FBN3: variants seen among roughly 807,000 people sequenced by gnomAD.
The protein encoded by FBN3 is fibrillin-3.
A neutral mutation model predicts 330.1 loss-of-function variants in FBN3; 234 were observed. That is an observed-to-expected ratio of 0.71 (90% CI 0.64 to 0.79). The LOEUF (loss-of-function observed/expected upper bound fraction) is 0.79, where lower values mean the gene tolerates loss of function less well. Ranked by LOEUF, FBN3 falls within the 30% of genes least tolerant of loss-of-function variation. The probability of loss-of-function intolerance (pLI) is 0.00; values close to 1 mark genes in which losing one functional copy is unlikely to be tolerated. For synonymous variants in FBN3, 1,458 were observed against 1,517.3 expected (o/e 0.96, Z 0.91); for missense variants, 3,606 against 3,886.9 (o/e 0.93, Z 1.92).
chr19:8,138,116 G>C (rs1264139194), intron 10 of FBN3, 25 bp downstream of exon 10: 1 of 1,576,168 alleles, frequency 6.3e-7, no homozygotes, highest in African/African-American at 1.4e-5. Flanking sequence ...GTCTTGGAAT[G>C]TTCCTCCCAA....
At chr19:8,118,547 CTCT>C (rs2082761735) in intron 26 of FBN3, among the ~76,000 whole-genome samples, 1 of 151,880 alleles carries the variant, frequency 6.6e-6, no homozygotes, top group Non-Finnish European at 1.5e-5. Flanking sequence ...CACTCAAACC[CTCT>C]TGTGTGTTCA....
In FBN3 at chr19:8,073,332, A is replaced by G. The variant is rs764391199; in HGVS notation, c.7703-35T>C. 1.9e-6 allele frequency: 3 copies of G among 1,571,580 alleles called. No individual in the cohort carries two copies. The South Asian group carries it at 3.4e-5, about 18-fold the overall frequency. On this transcript the variant is annotated intron_variant, in intron 61 of 63. Coordinates refer to ENST00000600128, the MANE Select transcript of FBN3 (RefSeq NM_032447.5). Reference sequence around the variant, plus strand: ...GAAAGGAGGAGGAGAGGGAGGACGCAGAGGTGGGGCAGTGCAGCCTTCACA... The same window carrying G: ...GAAAGGAGGAGGAGAGGGAGGACGCGGAGGTGGGGCAGTGCAGCCTTCACA...
intron 21 of FBN3, 48 bp downstream of exon 21, chr19:8,126,249 G>T (rs770415670): frequency 1.3e-6 from 2 of 1,561,406 alleles, no homozygotes; most frequent in South Asian, 2.3e-5. Context: ...GCCTGGTTGT[G>T]TGCGGGCTCT....
intron 8 of FBN3, among the ~76,000 whole-genome samples, chr19:8,139,892 C>T (rs765667479): frequency 3.9e-5 from 6 of 151,946 alleles, no homozygotes; most frequent in East Asian, 2.0e-4. Context: ...TGACCTGCCC[C>T]GAGCTGGGAA....
chr19:8,113,361 T>G (rs959659950), intron 30 of FBN3, among the ~76,000 whole-genome samples: 7 of 152,190 alleles, frequency 4.6e-5, no homozygotes, highest in Non-Finnish European at 4.4e-5. Context: ...AGCCTGGATC[T>G]CCTGGTCTTA....
At chr19:8,123,274 A>C (rs888201146) in intron 24 of FBN3, among the ~76,000 whole-genome samples, 190 bp downstream of exon 24, 2 of 151,950 alleles carry the variant, frequency 1.3e-5, no homozygotes, top group African/African-American at 4.8e-5. Flanking sequence ...GAGTCGCTTG[A>C]ACCTGGGAGG....
At position 8,136,438 on chromosome 19, in the gene FBN3, C is replaced by T. The variant is rs142403623; in HGVS notation, c.1295G>A (p.Arg432His). ...GRCLPTPSSY[R>H]CECNVGYTQD... Reference sequence around the variant, plus strand: ...GGTGTAGCCCACGTTACACTCGCAGCGGTAGCTGGAAGGCGTGGGCAGGCA... The same window carrying T: ...GGTGTAGCCCACGTTACACTCGCAGTGGTAGCTGGAAGGCGTGGGCAGGCA... Residue 432 changes from arginine to histidine, a missense_variant, in exon 11 of 64, where the codon CGC becomes CAC. Coordinates refer to ENST00000600128, the MANE Select transcript of FBN3 (RefSeq NM_032447.5). The T allele has an allele frequency of 4.4e-5, 71 of 1,614,056 alleles. No homozygotes were observed. The highest frequency in any genetic ancestry group is 1.5e-4 in the African/African-American group (11 of 74,938).
intron 39 of FBN3, among the ~76,000 whole-genome samples, chr19:8,103,100 C>G (rs1253567387): frequency 6.6e-6 from 1 of 151,882 alleles, no homozygotes; most frequent in African/African-American, 2.4e-5. Flanking sequence ...AACCCTGTCT[C>G]TACTAAAAAT....
chr19:8,082,415 T>C (rs1378679217), intron 57 of FBN3, among the ~76,000 whole-genome samples: 1 of 151,688 alleles, frequency 6.6e-6, no homozygotes, highest in Non-Finnish European at 1.5e-5. Context: ...CTCCCCTTTC[T>C]CTTTGTTTCT....
intron 10 of FBN3, 46 bp from the exon 11 acceptor site, chr19:8,136,577 C>A (rs2083287236): frequency 6.2e-7 from 1 of 1,607,352 alleles, no homozygotes; most frequent in Non-Finnish European, 8.5e-7. Context: ...GCTGGCCCCG[C>A]CCCAGTCTGG....
chr19:8,074,407 T>C (rs2081592020), intron 61 of FBN3, among the ~76,000 whole-genome samples: 1 of 151,802 alleles, frequency 6.6e-6, no homozygotes, highest in Admixed American at 6.6e-5. Context: ...AGAGCAGGGA[T>C]AGCCACATCA....
intron 34 of FBN3, 110 bp downstream of exon 34, chr19:8,110,735 G>T: frequency 7.0e-7 from 1 of 1,436,300 alleles, no homozygotes; most frequent in Non-Finnish European, 9.6e-7. Context: ...CAGCAAGACT[G>T]CAGGGGAGGA....
chr19:8,106,342 G>C (rs2082438645), intron 37 of FBN3, 109 bp from the exon 38 acceptor site: 2 of 1,152,164 alleles, frequency 1.7e-6, no homozygotes, highest in East Asian at 4.8e-5. Flanking sequence ...GGATCCCCAA[G>C]TGCTGTCCAT....
intron 6 of FBN3, among the ~76,000 whole-genome samples, chr19:8,144,546 C>T (rs2083489392): frequency 6.6e-6 from 1 of 151,964 alleles, no homozygotes; most frequent in Non-Finnish European, 1.5e-5. Context: ...CTGTCCTTCA[C>T]ATGCTCCAGG....
chr19:8,072,291 C>A, intron 62 of FBN3, 93 bp from the exon 63 acceptor site: 1 of 1,349,330 alleles, frequency 7.4e-7, no homozygotes, highest in South Asian at 1.4e-5. Flanking sequence ...CGTTCTGAGT[C>A]ATGCTGCAAA....
At chr19:8,079,418 A>AAAAC (rs34468969) in intron 59 of FBN3, among the ~76,000 whole-genome samples, 92,010 of 150,444 alleles carry the variant, frequency 0.61, 29,496 homozygotes, top group African/African-American at 0.8. Flanking sequence ...CTCCATCTCT[A>AAAAC]AAACAAACAA....
At chr19:8,135,380 C>T (rs1451042325) in intron 13 of FBN3, among the ~76,000 whole-genome samples, 2 of 149,954 alleles carry the variant, frequency 1.3e-5, no homozygotes, top group African/African-American at 2.5e-5. Flanking sequence ...TGGGTTCAGG[C>T]AATTCTCCTG....
rs547759686 is a variant in FBN3, at chr19:8,085,788, G to A, written c.6881-219C>T. On this transcript the variant is annotated intron_variant, in intron 55 of 63. Transcript: ENST00000600128. ...GGGAAGGTTGGTTCCGGGGTGTGGC[G>A]CCAGTAAGTTGGAGGAGGCATGGAG... Among the ~76,000 whole-genome samples, 28 of 152,066 alleles carry A rather than the reference G, an allele frequency of 1.8e-4. No individual in the cohort carries two copies. In the South Asian group the frequency reaches 3.3e-3, roughly 18 times the overall value.
At chr19:8,124,155 G>C in intron 22 of FBN3, 147 bp from the exon 23 acceptor site, 1 of 677,236 alleles carries the variant, frequency 1.5e-6, no homozygotes, top group Non-Finnish European at 2.7e-6. Flanking sequence ...ACTTCCTCCA[G>C]GCACTGTCTG....
Sources: allele counts gnomAD v4.1 joint callset (sites outside exome capture counted in the v4.1 genomes callset), GRCh38; gene constraint gnomAD v4.1.1; transcripts MANE v1.5; gene names NCBI Gene and HGNC (gene_info 2026-07-23, HGNC 2026-07-21).